The following RBFOX1 variants were observed in gnomAD, a reference collection of about 807,000 sequenced individuals.
The protein encoded by RBFOX1 is RNA binding protein fox-1 homolog 1.
In RBFOX1, 8 loss-of-function variants were observed where a neutral mutation model predicts 57.7. The observed-to-expected ratio is 0.14, with a 90% CI of 0.08 to 0.25. RBFOX1 has a LOEUF of 0.25. RBFOX1 is among the 10% of genes least tolerant of loss of function. RBFOX1 has a pLI of 1.00. For synonymous variants in RBFOX1, 326 were observed against 222.4 expected (o/e 1.47, Z -4.15); for missense variants, 611 against 548.5 (o/e 1.11, Z -1.14).
intron 4 of RBFOX1, among the ~76,000 whole-genome samples, chr16:7,352,660 A>T (rs146435703): frequency 3.6e-4 from 55 of 152,226 alleles, no homozygotes; most frequent in African/African-American, 1.2e-3. Context: ...GGGATTCTGA[A>T]GGATGCACTC....
chr16:7,478,184 C>G (rs1438855345), intron 4 of RBFOX1, among the ~76,000 whole-genome samples: 1 of 152,226 alleles, frequency 6.6e-6, no homozygotes, highest in South Asian at 2.1e-4. Context: ...CAGCTTTTCA[C>G]TTCACCCAGA....
At chr16:5,519,300 C>T (rs2043920047) in intron 2 of RBFOX1, among the ~76,000 whole-genome samples, 2 of 152,182 alleles carry the variant, frequency 1.3e-5, no homozygotes, top group Non-Finnish European at 1.5e-5. Flanking sequence ...GGTTGTTTTT[C>T]ATGTCCTGGG....
chr16:6,260,864 G>C (rs1321758172), intron 1 of RBFOX1, among the ~76,000 whole-genome samples: 1 of 151,994 alleles, frequency 6.6e-6, no homozygotes, highest in African/African-American at 2.4e-5. Context: ...CTGGGCAACA[G>C]TGCAAGACCC....
chr16:5,589,519 G>A (rs1397399317), intron 2 of RBFOX1, among the ~76,000 whole-genome samples: 1 of 152,110 alleles, frequency 6.6e-6, no homozygotes, highest in African/African-American at 2.4e-5. Flanking sequence ...CTTGTCCAAG[G>A]CCATATAGCT....
chr16:7,557,983 C>G (rs1317007437), intron 5 of RBFOX1, among the ~76,000 whole-genome samples: 1 of 152,066 alleles, frequency 6.6e-6, no homozygotes, highest in African/African-American at 2.4e-5. Flanking sequence ...AACAAAAAAC[C>G]TCAAGAGCAC....
intron 1 of RBFOX1, among the ~76,000 whole-genome samples, chr16:6,283,150 G>A (rs150453928): frequency 2.5e-4 from 38 of 152,198 alleles, no homozygotes; most frequent in African/African-American, 8.9e-4. Flanking sequence ...AACATAGTGA[G>A]ACTCTGTCTC....
intron 4 of RBFOX1, among the ~76,000 whole-genome samples, chr16:7,445,860 A>G (rs1327842442): frequency 1.3e-5 from 2 of 152,228 alleles, no homozygotes; most frequent in South Asian, 2.1e-4. Context: ...AAGTGGGTTA[A>G]TAAATGTCTG....
At chr16:7,536,708 C>T (rs758633836) in intron 5 of RBFOX1, among the ~76,000 whole-genome samples, 12 of 152,158 alleles carry the variant, frequency 7.9e-5, no homozygotes, top group Non-Finnish European at 1.3e-4. Flanking sequence ...GTGTGGAAGC[C>T]AGCTCTTAAT....
At chr16:5,624,463 C>G (rs1307394393) in intron 3 of RBFOX1, among the ~76,000 whole-genome samples, 1 of 152,248 alleles carries the variant, frequency 6.6e-6, no homozygotes, top group African/African-American at 2.4e-5. Context: ...TCCCAAAGTT[C>G]TGGGATCACA....
intron 2 of RBFOX1, among the ~76,000 whole-genome samples, chr16:6,333,128 C>G (rs764024499): frequency 6.6e-6 from 1 of 152,168 alleles, no homozygotes; most frequent in East Asian, 1.9e-4. Flanking sequence ...CAGCCTCTGT[C>G]TCCCGGGCTC....
intron 1 of RBFOX1, among the ~76,000 whole-genome samples, chr16:6,199,554 T>C (rs2097202037): frequency 6.6e-6 from 1 of 152,220 alleles, no homozygotes; most frequent in Admixed American, 6.5e-5. Context: ...TTTAGTGCTT[T>C]TCTAGCACAT....
intron 1 of RBFOX1, among the ~76,000 whole-genome samples, chr16:6,253,609 A>AGATG (rs71145204): frequency 6.0e-5 from 2 of 33,064 alleles, no homozygotes; most frequent in Non-Finnish European, 3.1e-4. Context: ...ATAGATGGAT[A>AGATG]GATGGATGGA....
intron 3 of RBFOX1, among the ~76,000 whole-genome samples, chr16:5,609,668 C>T (rs941472883): frequency 4.6e-5 from 7 of 152,220 alleles, no homozygotes; most frequent in African/African-American, 1.7e-4. Flanking sequence ...CCCCAGTGTC[C>T]TGGTACCTTT....
chr16:5,345,661 C>A (rs2065123875), intron 1 of RBFOX1, among the ~76,000 whole-genome samples: 1 of 152,184 alleles, frequency 6.6e-6, no homozygotes, highest in Admixed American at 6.5e-5. Context: ...ACCCAGGAGC[C>A]ACTTGCTGAG....
intron 4 of RBFOX1, among the ~76,000 whole-genome samples, chr16:7,088,037 C>T (rs943072495): frequency 6.6e-6 from 1 of 152,278 alleles, no homozygotes; most frequent in Non-Finnish European, 1.5e-5. Flanking sequence ...AGTACATGTG[C>T]TCGCATTTCC....
At chr16:7,151,830 C>G (rs938870626) in intron 4 of RBFOX1, among the ~76,000 whole-genome samples, 1 of 152,048 alleles carries the variant, frequency 6.6e-6, no homozygotes, top group Non-Finnish European at 1.5e-5. Context: ...CAACCTAGCT[C>G]CTTCGCATGC....
chr16:5,649,696 A>G (rs996512465), intron 3 of RBFOX1, among the ~76,000 whole-genome samples: 1 of 152,192 alleles, frequency 6.6e-6, no homozygotes, highest in African/African-American at 2.4e-5. Flanking sequence ...ATATCCACGC[A>G]CAAAGTACTG....
In RBFOX1 at chr16:6,840,556, A is replaced by AT. The variant is rs535086348; in HGVS notation, c.-16+185907dup. Among the ~76,000 whole-genome samples, 46 of 152,250 alleles carry AT rather than the reference A, an allele frequency of 3.0e-4. 3 individuals carry two copies. The East Asian group carries it at 8.3e-3, about 28-fold the overall frequency. ...GGGATCTTTGGGAGGTGATGGGGCCATAGAGCATAGCCCTCATGAATGGGA... is the reference window on the plus strand; with the variant it reads ...GGGATCTTTGGGAGGTGATGGGGCCATTAGAGCATAGCCCTCATGAATGGGA... On this transcript the variant is annotated intron_variant, in intron 3 of 15. Transcript: ENST00000550418.
chr16:7,069,707 TG>T (rs767965428), intron 4 of RBFOX1, among the ~76,000 whole-genome samples: 5 of 152,110 alleles, frequency 3.3e-5, no homozygotes, highest in Non-Finnish European at 7.4e-5. Flanking sequence ...CTAGAGTAAG[TG>T]GGGCAGCATC....
Sources: allele counts gnomAD v4.1 joint callset (sites outside exome capture counted in the v4.1 genomes callset), GRCh38; gene constraint gnomAD v4.1.1; transcripts MANE v1.5; gene names NCBI Gene and HGNC (gene_info 2026-07-23, HGNC 2026-07-21).